The following CARS2 variants were observed in gnomAD, a reference collection of about 807,000 sequenced individuals.
CARS2 encodes probable cysteine--tRNA ligase, mitochondrial.
Under a neutral mutation model 68.8 loss-of-function variants are expected in CARS2, and 52 were observed. That is an observed-to-expected ratio of 0.76 (90% CI 0.61 to 0.95). The LOEUF is 0.95. Among genes scored for constraint, CARS2 ranks in the 40% least tolerant of loss-of-function variants. CARS2 has a pLI of 0.00. For missense variants in CARS2, 780 were observed against 754.2 expected (o/e 1.03, Z -0.40); for synonymous variants, 314 against 303.6 (o/e 1.03, Z -0.36).
At chr13:110,683,815 G>A (rs1465375665) in intron 5 of CARS2, among the ~76,000 whole-genome samples, 5 of 152,084 alleles carry the variant, frequency 3.3e-5, no homozygotes, top group African/African-American at 1.2e-4. Flanking sequence ...TGAAGAGTTC[G>A]AGACCAGCCT....
intron 3 of CARS2, among the ~76,000 whole-genome samples, chr13:110,699,883 G>A (rs1027813475): frequency 2.6e-5 from 4 of 152,368 alleles, no homozygotes; most frequent in Admixed American, 1.3e-4. Context: ...CCACCTGCCT[G>A]TACAACCTCA....
At chr13:110,688,289 T>TA (rs1416681508) in intron 3 of CARS2, among the ~76,000 whole-genome samples, 1 of 151,932 alleles carries the variant, frequency 6.6e-6, no homozygotes, top group East Asian at 1.9e-4. Context: ...CATTATATAG[T>TA]AAAAAACAAA....
intron 6 of CARS2, among the ~76,000 whole-genome samples, chr13:110,682,360 G>A (rs188817112): frequency 3.3e-5 from 5 of 152,348 alleles, no homozygotes; most frequent in Admixed American, 1.3e-4. Flanking sequence ...CGGCCTGTGC[G>A]GGGAGCGGGA....
At chr13:110,647,031 A>C in intron 11 of CARS2, 70 bp downstream of exon 11, 1 of 1,474,342 alleles carries the variant, frequency 6.8e-7, no homozygotes, top group Non-Finnish European at 9.0e-7. Context: ...CTTCCCCTTC[A>C]AGAGCCCACC....
chr13:110,642,024 AAAACCT>A, intron 14 of CARS2, among the ~76,000 whole-genome samples: 1 of 152,236 alleles, frequency 6.6e-6, no homozygotes, highest in African/African-American at 2.4e-5. Context: ...CCACGTGGAG[AAAACCT>A]GTCTCTACTA....
At position 110,645,950 on chromosome 13, in the gene CARS2, C is replaced by A. The variant is rs369682310; in HGVS notation, c.1317+17G>T. On this transcript the variant is annotated intron_variant, in intron 12 of 14. Coordinates refer to ENST00000257347, the MANE Select transcript of CARS2 (RefSeq NM_024537.4). ...CCCTGGCAGCAGGACCGCAAGGCCA[C>A]CTGTTCGTTGAGCTACCTTCAGGGA... 6.2e-7 allele frequency: 1 copy of A among 1,609,366 alleles called. No individual in the cohort carries two copies. Among genetic ancestry groups the A allele is most frequent in the African/African-American group, 1.3e-5 (1 of 74,742 alleles).
In CARS2 at chr13:110,670,279, C is replaced by T. The variant is rs867828043; in HGVS notation, c.786-2806G>A. On this transcript the variant is annotated intron_variant, in intron 7 of 14. Coordinates refer to ENST00000257347, the MANE Select transcript of CARS2 (RefSeq NM_024537.4). The surrounding 1 kb of genome is among the most constrained non-coding windows in gnomAD (Gnocchi z 4.1). ...CCTCCTCAAGTGGGTCCCTGATCCC[C>T]GAGTAGACCAACTGGGAGACACCTC... is the stretch of plus-strand genomic sequence containing the variant. 3.0e-4 allele frequency among the ~76,000 whole-genome samples: 46 copies of T among 152,188 alleles called. No homozygotes were observed. Among genetic ancestry groups the T allele is most frequent in the African/African-American group, 1.0e-3 (43 of 41,432 alleles).
chr13:110,681,110 G>A (rs1214511815), intron 6 of CARS2, among the ~76,000 whole-genome samples: 3 of 152,168 alleles, frequency 2.0e-5, no homozygotes, highest in African/African-American at 7.2e-5. Context: ...TCACTACATT[G>A]CCCAGGCTGG....
Position 110,688,359 on chromosome 13 carries a change from G to A in CARS2, c.394-341C>T, listed in dbSNP as rs187507932. 5.3e-5 allele frequency among the ~76,000 whole-genome samples: 8 copies of A among 152,352 alleles called. No individual in the cohort carries two copies. The East Asian group carries it at 1.3e-3, about 26-fold the overall frequency. The stretch of plus-strand genomic sequence containing the variant: ...AACACTTTGGGAGGCCAAGATGAGT[G>A]GATCGTTTGAGACCATGAGGTTGAA... On this transcript the variant is annotated intron_variant, in intron 3 of 14. Coordinates refer to ENST00000257347, the MANE Select transcript of CARS2 (RefSeq NM_024537.4).
chr13:110,703,088 C>G (rs2063837594), intron 2 of CARS2, among the ~76,000 whole-genome samples: 1 of 152,180 alleles, frequency 6.6e-6, no homozygotes, highest in East Asian at 1.9e-4. Context: ...CTCCTCCCCC[C>G]TAGCACCAAA....
At chr13:110,691,162 C>T (rs1057173635) in intron 3 of CARS2, among the ~76,000 whole-genome samples, 2 of 152,130 alleles carry the variant, frequency 1.3e-5, no homozygotes, top group Non-Finnish European at 2.9e-5. Flanking sequence ...ACTACAGGCA[C>T]ACGCCACCAT....
At chr13:110,663,068 C>A (rs752461806) in intron 9 of CARS2, 11 of 467,672 alleles carry the variant, frequency 2.4e-5, no homozygotes, top group South Asian at 1.7e-4. Context: ...GGGCAAACAG[C>A]AAAACCTAAA....
chr13:110,656,711 C>T (rs1042164752), intron 9 of CARS2, among the ~76,000 whole-genome samples: 3 of 151,992 alleles, frequency 2.0e-5, no homozygotes, highest in East Asian at 1.9e-4. Flanking sequence ...GGTGAAACCC[C>T]GTCTCTACTA....
intron 8 of CARS2, chr13:110,664,742 C>G (rs1358035567): frequency 1.4e-6 from 1 of 697,620 alleles, no homozygotes; most frequent in East Asian, 1.3e-4. Flanking sequence ...GTGACGGTAA[C>G]TGAAGGCAGG....
intron 9 of CARS2, among the ~76,000 whole-genome samples, chr13:110,662,328 CTTCTGCGTCATGCAA>C (rs2062532408): frequency 2.0e-5 from 3 of 149,218 alleles, no homozygotes; most frequent in Admixed American, 6.7e-5. Flanking sequence ...TTCGGACCCC[CTTCTGCGTCATGCAA>C]CCCCATGGCC....
intron 2 of CARS2, among the ~76,000 whole-genome samples, chr13:110,703,586 T>C (rs2063854918): frequency 1.3e-5 from 2 of 152,260 alleles, no homozygotes; most frequent in Non-Finnish European, 2.9e-5. Context: ...TAGTTGGAAA[T>C]GAGAAGAGAT....
At chr13:110,687,035 T>C (rs1488112102) in intron 5 of CARS2, among the ~76,000 whole-genome samples, 1 of 152,110 alleles carries the variant, frequency 6.6e-6, no homozygotes, top group African/African-American at 2.4e-5. Context: ...GGGCTGACTT[T>C]TAATAAGAAG....
intron 11 of CARS2, chr13:110,646,681 G>A (rs1335505711): frequency 5.7e-6 from 1 of 175,354 alleles, no homozygotes; most frequent in Non-Finnish European, 1.2e-5. Context: ...TGGGAGGGAT[G>A]AGCAGCTCCG....
Position 110,687,742 on chromosome 13 carries a change from TC to T in CARS2, c.549del (p.Asn184ThrfsTer14). ...CTACCTTTTGCCGTTGAATAAGCGT[TC>T]CCACGAGCAATGATTCCTTCAATGA... is the stretch of plus-strand genomic sequence containing the variant. ...ISFIEGIIAR[G>X]NAYSTAKGNV... is the part of the protein sequence containing the mutation. On this transcript the variant is annotated frameshift_variant, in exon 5 of 15. Transcript: ENST00000257347. LOFTEE classifies it high-confidence loss of function. The T allele has an allele frequency of 6.2e-7, 1 of 1,609,500 alleles. No individual in the cohort carries two copies. The highest frequency in any genetic ancestry group is 2.2e-5 in the East Asian group (1 of 44,848).
Sources: allele counts gnomAD v4.1 joint callset (sites outside exome capture counted in the v4.1 genomes callset), GRCh38; gene constraint gnomAD v4.1.1; non-coding constraint Gnocchi (gnomAD v3.1); transcripts MANE v1.5; gene names NCBI Gene and HGNC (gene_info 2026-07-23, HGNC 2026-07-21).